Variants in FAHD2A observed in about 807,000 individuals in gnomAD.
FAHD2A encodes oxaloacetate tautomerase FAHD2A, mitochondrial.
In FAHD2A, 27 loss-of-function variants were observed where a neutral mutation model predicts 33.4. That is an observed-to-expected ratio of 0.81 (90% CI 0.60 to 1.11). The LOEUF (loss-of-function observed/expected upper bound fraction) is 1.11. FAHD2A is among the 50% of genes most tolerant of loss of function. The pLI is 0.00. For missense variants in FAHD2A, 296 were observed against 395.0 expected (o/e 0.75, Z 2.12); for synonymous variants, 130 against 153.3 (o/e 0.85, Z 1.12).
chr2:95,407,239 C>T, intron 3 of FAHD2A, 82 bp downstream of exon 3: 4 of 1,553,144 alleles, frequency 2.6e-6, no homozygotes, highest in Non-Finnish European at 2.6e-6. Context: ...CTACTGGAGC[C>T]ACCTCTCGCT....
At position 95,405,537 on chromosome 2, in the gene FAHD2A, G is replaced by T. The variant is rs116013309; in HGVS notation, c.-6-16G>T. 46,273 of 1,599,532 alleles carry T rather than the reference G, an allele frequency of 0.029. 801 individuals carry two copies. The highest frequency in any genetic ancestry group is 0.033 in the Non-Finnish European group (39,200 of 1,170,160). ...TGGGATCCTCTGTCTCCTGGATCCTGCATTTTTCTCTGCAGGCTCTGATGC... is the reference window on the plus strand; with the variant it reads ...TGGGATCCTCTGTCTCCTGGATCCTTCATTTTTCTCTGCAGGCTCTGATGC... On this transcript the variant is annotated splice_polypyrimidine_tract_variant and intron_variant, in intron 1 of 7. Coordinates refer to ENST00000233379, the MANE Select transcript of FAHD2A (RefSeq NM_016044.3).
rs1053777128 is a variant in FAHD2A at position 95,413,702 on chromosome 2, G to C, written c.*745G>C. ...TAGGCCTCAGTGTTTGAGTGCAAAT[G>C]CTGCCTCAAAGCAGCCCCAATACCC... On this transcript the variant is annotated 3_prime_UTR_variant, in exon 8 of 8. Coordinates refer to ENST00000233379, the MANE Select transcript of FAHD2A (RefSeq NM_016044.3). The C allele has an allele frequency of 3.3e-5, 33 of 1,010,072 alleles. No homozygotes were observed. Among genetic ancestry groups the C allele is most frequent in the Middle Eastern group, 6.4e-4 (2 of 3,134 alleles). The allele number at this position is 1,010,072 out of a possible 1,614,324, so 62.6% of individuals were successfully genotyped here. A position where few individuals can be genotyped will look rare whatever the true frequency, so the allele number is the denominator to read the frequency against.
Position 95,413,876 on chromosome 2 carries a change from A to G in FAHD2A, c.*919A>G. The G allele has an allele frequency of 3.5e-6, 3 of 862,032 alleles. No individual in the cohort carries two copies. Among genetic ancestry groups the G allele is most frequent in the Admixed American group, 1.8e-5 (1 of 56,226 alleles). 53.4% of individuals were successfully genotyped at this position (862,032 alleles called of 1,614,324 possible). On this transcript the variant is annotated 3_prime_UTR_variant, in exon 8 of 8. Transcript: ENST00000233379. ...ACCATCAGGCCAGCCCTGTGGGGTG[A>G]TGGGAACATAGCTGGGTTTCCCTGA... is the stretch of plus-strand genomic sequence containing the variant.
intron 3 of FAHD2A, among the ~76,000 whole-genome samples, chr2:95,407,883 T>G (rs1248007298): frequency 6.6e-6 from 1 of 152,234 alleles, no homozygotes; most frequent in Non-Finnish European, 1.5e-5. Flanking sequence ...CTCAGATTTT[T>G]ATTTTAGAAA....
Position 95,405,756 on chromosome 2 carries a change from G to A in FAHD2A, c.198G>A (p.Met66Ile), listed in dbSNP as rs763070683. ...TTGACCCCACACTCCCGAAGACGAT[G>A]ACGCAGTTCCTAGAGCAGGGAGAGG... is the stretch of plus-strand genomic sequence containing the variant. ...NAFDPTLPKT[M>I]TQFLEQGEAT... is the part of the protein sequence containing the mutation. The change falls in exon 2 of 8, where the codon ATG (methionine) becomes ATA (isoleucine). Residue 66 changes from methionine to isoleucine, a missense_variant. Physicochemically the swap from Met to Ile is conservative, Grantham distance 10 (BLOSUM62 1). Coordinates refer to ENST00000233379, the MANE Select transcript of FAHD2A (RefSeq NM_016044.3). The A allele has an allele frequency of 6.2e-7, 1 of 1,613,640 alleles. No homozygotes were observed. The highest frequency in any genetic ancestry group is 8.5e-7 in the Non-Finnish European group (1 of 1,179,866).
At chr2:95,412,413 G>A in intron 5 of FAHD2A, 21 bp from the exon 6 acceptor site, 3 of 1,612,832 alleles carry the variant, frequency 1.9e-6, no homozygotes, top group Non-Finnish European at 2.5e-6. Context: ...ATAACTCCAA[G>A]GTACCATCTT....
At position 95,413,626 on chromosome 2, in the gene FAHD2A, C is replaced by A; in HGVS notation, c.*669C>A. The A allele has an allele frequency of 6.8e-7, 1 of 1,464,654 alleles. No homozygotes were observed. The allele number at this position is 1,464,654 out of a possible 1,614,324, so 90.7% of individuals were successfully genotyped here. A position where few individuals can be genotyped will look rare whatever the true frequency, so the allele number is the denominator to read the frequency against. On this transcript the variant is annotated 3_prime_UTR_variant, in exon 8 of 8. Transcript: ENST00000233379. The stretch of plus-strand genomic sequence containing the variant: ...ACCACAGGGACTGTGTCCACATGGC[C>A]CAGGGGCCAGGCCTGTCCCCCAGAA...
At chr2:95,404,251 T>G (rs1681164758) in intron 1 of FAHD2A, among the ~76,000 whole-genome samples, 2 of 152,048 alleles carry the variant, frequency 1.3e-5, no homozygotes, top group South Asian at 4.1e-4. Context: ...GTGTTTGTCT[T>G]TAAGTGGAGC....
intron 4 of FAHD2A, 119 bp from the exon 5 acceptor site, chr2:95,410,745 C>G (rs1682344912): frequency 5.8e-6 from 9 of 1,555,540 alleles, no homozygotes; most frequent in Non-Finnish European, 7.0e-6. Flanking sequence ...TTTCCCTTCA[C>G]CCACCTTTGG....
chr2:95,407,276 C>T (rs533074756), intron 3 of FAHD2A, 119 bp downstream of exon 3: 8 of 1,426,268 alleles, frequency 5.6e-6, no homozygotes, highest in East Asian at 4.7e-5. Context: ...AGAAACTCTA[C>T]AGGATTGTAC....
rs1051267915 is a variant in FAHD2A at position 95,415,212 on chromosome 2, T to G, written c.*2255T>G. 3.3e-5 allele frequency: 5 copies of G among 152,112 alleles called. No homozygotes were observed. The highest frequency in any genetic ancestry group is 3.3e-4 in the Admixed American group (5 of 15,276). The allele number at this position is 152,112 out of a possible 1,614,324, so 9.4% of individuals were successfully genotyped here. On this transcript the variant is annotated 3_prime_UTR_variant, in exon 8 of 8. Transcript: ENST00000233379. ...CATTTTCCCTCAGTATGGCCCATCC[T>G]TTGGGTATGCCAACTCCATGTCCAC...
rs397766262 is a variant in FAHD2A, at chr2:95,415,144, G to A, written c.*2187G>A. 2.6e-5 allele frequency: 4 copies of A among 152,320 alleles called. No individual in the cohort carries two copies. Among genetic ancestry groups the A allele is most frequent in the East Asian group, 1.9e-4 (1 of 5,158 alleles). The allele number at this position is 152,320 out of a possible 1,614,324, so 9.4% of individuals were successfully genotyped here. On this transcript the variant is annotated 3_prime_UTR_variant, in exon 8 of 8. Coordinates refer to ENST00000233379, the MANE Select transcript of FAHD2A (RefSeq NM_016044.3). ...CCAAATACTGCAACCCTGACCCAAT[G>A]CACGAAGCCACCCCAAAATACAGCA...
chr2:95,408,348 C>A (rs1210189903), intron 3 of FAHD2A, among the ~76,000 whole-genome samples: 1 of 152,158 alleles, frequency 6.6e-6, no homozygotes, highest in African/African-American at 2.4e-5. Context: ...TCAGTTATAT[C>A]TCTTTAGTGG....
At chr2:95,412,249 C>T (rs1305394901) in intron 5 of FAHD2A, among the ~76,000 whole-genome samples, 185 bp from the exon 6 acceptor site, 2 of 151,900 alleles carry the variant, frequency 1.3e-5, no homozygotes, top group Admixed American at 6.6e-5. Context: ...GGTGGGGATG[C>T]GGGGAGGCCT....
chr2:95,411,687 C>G (rs141484345), intron 5 of FAHD2A, among the ~76,000 whole-genome samples: 13 of 152,376 alleles, frequency 8.5e-5, no homozygotes, highest in African/African-American at 3.1e-4. Flanking sequence ...GTAAAAAGTG[C>G]TGGTTAGCCA....
chr2:95,409,362 T>G (rs1682116420), intron 3 of FAHD2A, among the ~76,000 whole-genome samples: 1 of 152,050 alleles, frequency 6.6e-6, no homozygotes, highest in Non-Finnish European at 1.5e-5. Context: ...ATTGTGCAGA[T>G]GGAGTGCAGT....
In FAHD2A at chr2:95,405,687, C is replaced by T. The variant is rs1366536962; in HGVS notation, c.129C>T (p.Gly43=). The T allele has an allele frequency of 6.2e-7, 1 of 1,613,988 alleles. No homozygotes were observed. The highest frequency in any genetic ancestry group is 2.2e-5 in the East Asian group (1 of 44,868). ...RAPHLVGPHL[G]LETGNGGGVI... is the part of the protein sequence containing the mutation. ...CCCACCTGGTGGGGCCTCACTTGGG[C>T]CTGGAGACAGGGAATGGTGGAGGGG... The change falls in exon 2 of 8, where the codon GGC becomes GGT. Residue 43 remains glycine (G), a synonymous_variant. Transcript: ENST00000233379.
chr2:95,420,387 G>A, downstream of FAHD2A, among the ~76,000 whole-genome samples: 1 of 152,064 alleles, frequency 6.6e-6, no homozygotes. Context: ...GCAGGAAGGA[G>A]GAGGAGGATT....
chr2:95,413,381 A>C lies in FAHD2A; in HGVS notation c.*424A>C. On this transcript the variant is annotated 3_prime_UTR_variant, in exon 8 of 8. Transcript: ENST00000233379. Reference sequence around the variant, plus strand: ...GCTAAGGGTTTGCAGCCTCCTCTCCATCTTCTGGCTCTAGGACACAGCTGT... The same window carrying C: ...GCTAAGGGTTTGCAGCCTCCTCTCCCTCTTCTGGCTCTAGGACACAGCTGT... 1.3e-6 allele frequency: 2 copies of C among 1,563,488 alleles called. No homozygotes were observed. The highest frequency in any genetic ancestry group is 1.7e-6 in the Non-Finnish European group (2 of 1,162,468).
Sources: gnomAD v4.1 joint callset for allele counts (sites outside exome capture counted in the v4.1 genomes callset) on GRCh38, gnomAD v4.1.1 for gene constraint, MANE v1.5 for transcripts, NCBI Gene and HGNC (gene_info 2026-07-23, HGNC 2026-07-21) for gene names.